Variants in ART1 observed in about 807,000 individuals in gnomAD.
ART1 encodes ADP-ribosyltransferase 1.
ART1 carries 29 observed loss-of-function variants against 27.0 expected under a neutral mutation model. The ratio of observed to expected loss-of-function variants is 1.08; its 90% CI spans 0.80 to 1.47. ART1 has a LOEUF of 1.47. Ranked by LOEUF, ART1 falls within the 40% of genes most tolerant of loss-of-function variation. The pLI is 0.00. For synonymous variants in ART1, 201 were observed against 172.2 expected, an observed-to-expected ratio of 1.17 and a Z score of -1.31; for missense variants, 480 against 423.0, an observed-to-expected ratio of 1.13 and a Z score of -1.18.
chr11:3,663,063 C>CTCATCTCATCTCATCTCATCTCA (rs2077632752), intron 4 of ART1, among the ~76,000 whole-genome samples: 1 of 95,652 alleles, frequency 1.0e-5, no homozygotes, highest in East Asian at 3.2e-4. Context: ...CTCATCTCAT[C>CTCATCTCATCTCATCTCATCTCA]TCATCTCATC....
chr11:3,658,461 G>A (rs2077591322), intron 1 of ART1, among the ~76,000 whole-genome samples: 2 of 152,174 alleles, frequency 1.3e-5, no homozygotes, highest in Admixed American at 1.3e-4. Flanking sequence ...CAAAGAGGGT[G>A]TGGAAGGCTT....
chr11:3,652,981 T>A lies in ART1; in HGVS notation c.-52-6181T>A, dbSNP rs182420174. On this transcript the variant is annotated intron_variant, in intron 1 of 4. Coordinates refer to ENST00000250693, the MANE Select transcript of ART1 (RefSeq NM_004314.3). ...GTTTTTCAATTCATACAAAGCCATA[T>A]CCAGGCCATCACCAATAATTCTACA... 4.4e-4 allele frequency among the ~76,000 whole-genome samples: 66 copies of A among 148,362 alleles called. 2 individuals are homozygous for A. The highest frequency in any genetic ancestry group is 1.5e-3 in the South Asian group (7 of 4,522).
Position 3,645,981 on chromosome 11 carries a change from C to A in ART1, c.-53+802C>A, listed in dbSNP as rs531048387. On this transcript the variant is annotated intron_variant, in intron 1 of 4. Coordinates refer to ENST00000250693, the MANE Select transcript of ART1 (RefSeq NM_004314.3). ...GCCAAGCAGGAGTGGCAGGTGCGAGCCTGCAGAGGGTGCAGAGGGCCAGGA... is the reference window on the plus strand; with the variant it reads ...GCCAAGCAGGAGTGGCAGGTGCGAGACTGCAGAGGGTGCAGAGGGCCAGGA... 2.0e-5 allele frequency among the ~76,000 whole-genome samples: 3 copies of A among 152,140 alleles called. No homozygotes were observed. In the South Asian group the frequency reaches 6.2e-4, roughly 32 times the overall value.
chr11:3,660,232 A>G lies in ART1; in HGVS notation c.713A>G (p.Glu238Gly), dbSNP rs1347392563. The part of the protein sequence containing the change: ...PIKGYSFFPG[E>G]EEVLIPPFET... ...AAGGGCTACTCCTTCTTCCCTGGAG[A>G]GGAAGAGGTGCTGATCCCCCCCTTT... The change falls in exon 3 of 5, where the codon GAG becomes GGG. Residue 238 changes from glutamate (E) to glycine (G), a missense_variant. Glu to Gly is a moderately conservative substitution (Grantham distance 98, BLOSUM62 -2). Coordinates refer to ENST00000250693, the MANE Select transcript of ART1 (RefSeq NM_004314.3). The G allele has an allele frequency of 6.2e-7, 1 of 1,613,748 alleles. No homozygotes were observed. The highest frequency in any genetic ancestry group is 8.5e-7 in the Non-Finnish European group (1 of 1,180,012).
intron 1 of ART1, chr11:3,655,373 G>C (rs67401732): frequency 0.41 from 61,770 of 152,084 alleles, 14,588 homozygotes; most frequent in Admixed American, 0.63. Context: ...TTACCACTGT[G>C]ATCAACTAGT....
chr11:3,648,700 C>A (rs1256914840), intron 1 of ART1, among the ~76,000 whole-genome samples: 1 of 152,202 alleles, frequency 6.6e-6, no homozygotes, highest in African/African-American at 2.4e-5. Context: ...TGATTATTCA[C>A]CCACGTTTCA....
At chr11:3,649,761 A>G (rs1275774037) in intron 1 of ART1, among the ~76,000 whole-genome samples, 1 of 152,224 alleles carries the variant, frequency 6.6e-6, no homozygotes, top group Non-Finnish European at 1.5e-5. Context: ...CTAAAGGCGT[A>G]GTCAAGGTTA....
intron 4 of ART1, chr11:3,663,833 A>T: frequency 2.7e-6 from 1 of 369,436 alleles, no homozygotes; most frequent in Non-Finnish European, 4.9e-6. Context: ...AGTCAAATTT[A>T]GCAGTGGGGG....
At chr11:3,656,173 A>T (rs2077573132) in intron 1 of ART1, among the ~76,000 whole-genome samples, 1 of 151,758 alleles carries the variant, frequency 6.6e-6, no homozygotes, top group South Asian at 2.1e-4. Context: ...ACCTCAGGTG[A>T]TCCACCCGCC....
intron 1 of ART1, 117 bp downstream of exon 1, chr11:3,645,296 T>C (rs2077463661): frequency 6.6e-6 from 1 of 151,864 alleles, no homozygotes; most frequent in South Asian, 2.1e-4. Flanking sequence ...CCAGGAAACT[T>C]TGATGAAGTT....
intron 1 of ART1, among the ~76,000 whole-genome samples, chr11:3,657,558 G>T (rs2077584471): frequency 6.6e-6 from 1 of 152,204 alleles, no homozygotes; most frequent in Non-Finnish European, 1.5e-5. Context: ...CTGGGCAACA[G>T]AGCAAGACCC....
At chr11:3,645,486 T>C (rs957542791) in intron 1 of ART1, among the ~76,000 whole-genome samples, 2 of 152,084 alleles carry the variant, frequency 1.3e-5, no homozygotes, top group Non-Finnish European at 2.9e-5. Context: ...AGAAAAGGAA[T>C]TGCTCAGCAT....
At chr11:3,652,621 A>C (rs923839280) in intron 1 of ART1, among the ~76,000 whole-genome samples, 9 of 152,092 alleles carry the variant, frequency 5.9e-5, no homozygotes, top group South Asian at 2.1e-4. Flanking sequence ...GCCCCAGTCT[A>C]ATTCCAGACA....
At chr11:3,659,492 G>T in intron 2 of ART1, 91 bp from the exon 3 acceptor site, 1 of 1,462,118 alleles carries the variant, frequency 6.8e-7, no homozygotes, top group Admixed American at 2.2e-5. Context: ...GGCCCTTCCT[G>T]CCTTTCTCAG....
At chr11:3,663,132 ATC>A (rs542222150) in intron 4 of ART1, among the ~76,000 whole-genome samples, 9 of 143,482 alleles carry the variant, frequency 6.3e-5, no homozygotes, top group Admixed American at 2.8e-4. Flanking sequence ...ATCTCATCTC[ATC>A]TCATCTCATC....
chr11:3,653,505 A>G (rs7483181), intron 1 of ART1, among the ~76,000 whole-genome samples: 66,462 of 150,564 alleles, frequency 0.44, 16,836 homozygotes, highest in Admixed American at 0.65. Context: ...CCCAAATCCT[A>G]TAAAACGGAC....
intron 1 of ART1, among the ~76,000 whole-genome samples, chr11:3,651,096 T>C (rs566755964): frequency 7.9e-5 from 12 of 152,072 alleles, no homozygotes; most frequent in Middle Eastern, 3.4e-3. Context: ...ATCAACCAAA[T>C]TGTTTTGCCT....
intron 4 of ART1, among the ~76,000 whole-genome samples, chr11:3,662,478 C>A (rs2077627773): frequency 6.6e-6 from 1 of 152,192 alleles, no homozygotes; most frequent in Non-Finnish European, 1.5e-5. Flanking sequence ...GCACATCATG[C>A]CATTCATCCT....
At chr11:3,661,133 A>G (rs1353264654) in intron 3 of ART1, among the ~76,000 whole-genome samples, 1 of 152,188 alleles carries the variant, frequency 6.6e-6, no homozygotes, top group African/African-American at 2.4e-5. Context: ...TTATAGGCCC[A>G]GGGAGCAGGA....
Sources: gnomAD v4.1 joint callset for allele counts (sites outside exome capture counted in the v4.1 genomes callset) on GRCh38, gnomAD v4.1.1 for gene constraint, MANE v1.5 for transcripts, NCBI Gene and HGNC (gene_info 2026-07-23, HGNC 2026-07-21) for gene names.